Variants in COX19 observed in about 807,000 individuals in gnomAD.
COX19 encodes cytochrome c oxidase assembly protein COX19.
Under a neutral mutation model 6.8 loss-of-function variants are expected in COX19, and 8 were observed. The ratio of observed to expected loss-of-function variants is 1.18; its 90% CI spans 0.69 to 2.12. COX19 has a LOEUF of 2.12. Ranked by LOEUF, COX19 falls within the 30% of genes most tolerant of loss-of-function variation. The pLI is 0.00. For missense variants in COX19, 131 were observed against 104.6 expected (o/e 1.25, Z -1.10); for synonymous variants, 51 against 38.0 (o/e 1.34, Z -1.26).
At chr7:970,038 C>G (rs951756764) in intron 2 of COX19, among the ~76,000 whole-genome samples, 1 of 148,568 alleles carries the variant, frequency 6.7e-6, no homozygotes, top group African/African-American at 2.5e-5. Context: ...ATCAGCGGTT[C>G]AAGTTCACTG....
chr7:971,149 C>T lies in COX19; in HGVS notation c.195-1693G>A, dbSNP rs530911689. 3.8e-3 allele frequency among the ~76,000 whole-genome samples: 579 copies of T among 152,332 alleles called. 2 individuals carry two copies. The highest frequency in any genetic ancestry group is 5.9e-3 in the Non-Finnish European group (401 of 68,034). On this transcript the variant is annotated intron_variant, in intron 2 of 2. Coordinates refer to ENST00000344111, the MANE Select transcript of COX19 (RefSeq NM_001031617.3). ...GCAGCGGGTGAGGCTGCTCCACCAG[C>T]GTGTCTGTGTGACACCCGGTGCCTA...
chr7:967,347 G>A lies in COX19; in HGVS notation c.*2031C>T, dbSNP rs1019459723. ...TTACCTTTGTACGTTAGAAAAGCAG[G>A]AGCTCAATACACCTGGCTCTCATCA... On this transcript the variant is annotated 3_prime_UTR_variant, in exon 3 of 3. Transcript: ENST00000344111. 6.6e-6 allele frequency: 1 copy of A among 152,248 alleles called. No individual in the cohort carries two copies. Among genetic ancestry groups the A allele is most frequent in the Non-Finnish European group, 1.5e-5 (1 of 68,054 alleles). The allele number at this position is 152,248 out of a possible 1,614,324, so 9.4% of individuals were successfully genotyped here. A position where few individuals can be genotyped will look rare whatever the true frequency, so the allele number is the denominator to read the frequency against.
Position 964,927 on chromosome 7 carries a change from A to C in COX19, c.*4451T>G, listed in dbSNP as rs1468077269. ...CTATGAGAAATAAAATGCATTCTGC[A>C]CATGACAGATGATGAACTACCCGAA... On this transcript the variant is annotated 3_prime_UTR_variant, in exon 3 of 3. Coordinates refer to ENST00000344111, the MANE Select transcript of COX19 (RefSeq NM_001031617.3). Among the ~76,000 whole-genome samples, 1 of 152,274 alleles carries C rather than the reference A, an allele frequency of 6.6e-6. No individual in the cohort carries two copies. The highest frequency in any genetic ancestry group is 6.5e-5 in the Admixed American group (1 of 15,288).
intron 2 of COX19, among the ~76,000 whole-genome samples, chr7:970,749 G>T (rs976177893): frequency 2.0e-5 from 3 of 151,872 alleles, no homozygotes; most frequent in Non-Finnish European, 1.5e-5. Flanking sequence ...AATTTTTAAA[G>T]AAATTTTTTG....
chr7:969,265 G>A lies in COX19; in HGVS notation c.*113C>T, dbSNP rs1583202439. On this transcript the variant is annotated 3_prime_UTR_variant, in exon 3 of 3. Transcript: ENST00000344111. ...CCCCACAGGGCTGGAGCTTCTATTC[G>A]AAGCCCATTTCTAAGGACACCACAC... is the stretch of plus-strand genomic sequence containing the variant. The A allele has an allele frequency of 6.9e-6, 5 of 726,876 alleles. No individual in the cohort carries two copies. The highest frequency in any genetic ancestry group is 5.0e-5 in the East Asian group (2 of 40,172). The allele number at this position is 726,876 out of a possible 1,614,324, so 45.0% of individuals were successfully genotyped here.
chr7:974,122 G>A (rs1306792054), intron 1 of COX19, among the ~76,000 whole-genome samples: 1 of 135,986 alleles, frequency 7.4e-6, no homozygotes, highest in Non-Finnish European at 1.6e-5. Context: ...GCTTGAACCC[G>A]GGAGGAGGAG....
chr7:973,690 G>T (rs901831615), intron 1 of COX19, among the ~76,000 whole-genome samples: 8 of 149,256 alleles, frequency 5.4e-5, no homozygotes, highest in African/African-American at 2.0e-4. Flanking sequence ...TCCAGGCTGG[G>T]CACGGTGGCT....
chr7:966,433 C>G lies in COX19; in HGVS notation c.*2945G>C, dbSNP rs778059750. 2 of 152,332 alleles carry G rather than the reference C, an allele frequency of 1.3e-5. No homozygotes were observed. The highest frequency in any genetic ancestry group is 2.4e-5 in the African/African-American group (1 of 41,450). The allele number at this position is 152,332 out of a possible 1,614,324, so 9.4% of individuals were successfully genotyped here. A position where few individuals can be genotyped will look rare whatever the true frequency, so the allele number is the denominator to read the frequency against. Reference sequence around the variant, plus strand: ...CCTCCTAAAGTGCTGGGATTGCAGGCGTGAGCCGCTGCGCCCAGCCTGTTT... The same window carrying G: ...CCTCCTAAAGTGCTGGGATTGCAGGGGTGAGCCGCTGCGCCCAGCCTGTTT... On this transcript the variant is annotated 3_prime_UTR_variant, in exon 3 of 3. Coordinates refer to ENST00000344111, the MANE Select transcript of COX19 (RefSeq NM_001031617.3).
At chr7:974,559 G>A (rs1847678091) in intron 1 of COX19, among the ~76,000 whole-genome samples, 2 of 152,216 alleles carry the variant, frequency 1.3e-5, no homozygotes, top group Admixed American at 6.5e-5. Flanking sequence ...ATGGTCACAG[G>A]AGAGTTCAGG....
intron 2 of COX19, among the ~76,000 whole-genome samples, chr7:970,470 TC>T (rs1244974608): frequency 6.2e-5 from 8 of 129,428 alleles, no homozygotes; most frequent in Non-Finnish European, 1.3e-4. Flanking sequence ...TGAGACGGAG[TC>T]CTACTCTGTT....
intron 1 of COX19, 92 bp downstream of exon 1, chr7:975,336 C>T (rs1350531659): frequency 2.0e-6 from 2 of 1,007,234 alleles, no homozygotes; most frequent in East Asian, 3.1e-5. Context: ...GCCTGCACCG[C>T]GCTAGATGCC....
At chr7:974,218 C>T (rs1847672378) in intron 1 of COX19, among the ~76,000 whole-genome samples, 1 of 144,412 alleles carries the variant, frequency 6.9e-6, no homozygotes, top group South Asian at 2.2e-4. Context: ...AATAAATAAT[C>T]CAGCCTGGGC....
At chr7:974,619 G>C (rs1401613143) in intron 1 of COX19, among the ~76,000 whole-genome samples, 1 of 151,998 alleles carries the variant, frequency 6.6e-6, no homozygotes, top group Non-Finnish European at 1.5e-5. Flanking sequence ...ATAAAATGTT[G>C]GGAAAGAAAC....
rs1254790085 is a variant in COX19 at position 969,098 on chromosome 7, G to C, written c.*280C>G. ...CAACATAAAACCGCCCCATACAAGA[G>C]GGCCCCGGCCTCGAAGACAAGGGTC... On this transcript the variant is annotated 3_prime_UTR_variant, in exon 3 of 3. Coordinates refer to ENST00000344111, the MANE Select transcript of COX19 (RefSeq NM_001031617.3). The C allele has an allele frequency of 2.7e-6, 1 of 368,018 alleles. No individual in the cohort carries two copies. Among genetic ancestry groups the C allele is most frequent in the Non-Finnish European group, 4.9e-6 (1 of 202,980 alleles). 22.8% of individuals were successfully genotyped at this position (368,018 alleles called of 1,614,324 possible).
At chr7:970,575 C>A (rs1847621320) in intron 2 of COX19, among the ~76,000 whole-genome samples, 1 of 151,546 alleles carries the variant, frequency 6.6e-6, no homozygotes, top group Non-Finnish European at 1.5e-5. Flanking sequence ...TCCCAAGTAG[C>A]TGGGATTACA....
At position 967,292 on chromosome 7, in the gene COX19, T is replaced by C. The variant is rs1230075501; in HGVS notation, c.*2086A>G. ...GGTCTCGGAGCACACCCTGGCCAGG[T>C]GAGGGCGATCACTCCGTTTCTCTAT... On this transcript the variant is annotated 3_prime_UTR_variant, in exon 3 of 3. Coordinates refer to ENST00000344111, the MANE Select transcript of COX19 (RefSeq NM_001031617.3). 1 of 152,150 alleles carries C rather than the reference T, an allele frequency of 6.6e-6. No individual in the cohort carries two copies. The highest frequency in any genetic ancestry group is 1.5e-5 in the Non-Finnish European group (1 of 68,030). 9.4% of individuals were successfully genotyped at this position (152,150 alleles called of 1,614,324 possible).
chr7:969,567 T>A (rs1057005725), intron 2 of COX19, 111 bp from the exon 3 acceptor site: 2 of 748,606 alleles, frequency 2.7e-6, no homozygotes, highest in African/African-American at 3.5e-5. Flanking sequence ...CCTCCATCTA[T>A]GTCCTGGGAG....
intron 1 of COX19, 78 bp from the exon 2 acceptor site, chr7:973,370 C>T: frequency 1.4e-6 from 2 of 1,438,562 alleles, no homozygotes; most frequent in Non-Finnish European, 1.8e-6. Context: ...AAGAGCTGCG[C>T]TGCTTTTCCT....
Position 975,493 on chromosome 7 carries a change from T to G in COX19, c.17A>C (p.Asn6Thr), listed in dbSNP as rs149293639. Reference protein sequence around the residue: MSTAMNFGTKSFQPRP... With the variant: MSTAMTFGTKSFQPRP... ...CGGCTGGAAGCTCTTGGTCCCGAAA[T>G]TCATGGCGGTCGACATGTTGGCGAC... Residue 6 changes from asparagine (N) to threonine (T), a missense_variant, in exon 1 of 3, where the codon AAT becomes ACT. Transcript: ENST00000344111. 12 of 1,603,278 alleles carry G rather than the reference T, an allele frequency of 7.5e-6. No homozygotes were observed. The highest frequency in any genetic ancestry group is 1.0e-5 in the Non-Finnish European group (12 of 1,176,262).
Sources: allele counts gnomAD v4.1 joint callset (sites outside exome capture counted in the v4.1 genomes callset), GRCh38; gene constraint gnomAD v4.1.1; transcripts MANE v1.5; gene names NCBI Gene and HGNC (gene_info 2026-07-23, HGNC 2026-07-21).